The following APOLD1 variants were observed in gnomAD, a reference collection of about 807,000 sequenced individuals.
APOLD1 encodes apolipoprotein L domain containing 1, also known as apolipoprotein L domain-containing protein 1.
Under a neutral mutation model 15.3 loss-of-function variants are expected in APOLD1, and 22 were observed. That is an observed-to-expected ratio of 1.44 (90% CI 1.03 to 2.05). APOLD1 has a LOEUF of 2.05. Ranked by LOEUF, APOLD1 falls within the 30% of genes most tolerant of loss-of-function variation. The pLI, the probability that APOLD1 is intolerant of heterozygous loss-of-function variation, is 0.00. For missense variants in APOLD1, 394 were observed against 353.5 expected, an observed-to-expected ratio of 1.11 and a Z score of -0.92; for synonymous variants, 190 against 167.4, an observed-to-expected ratio of 1.13 and a Z score of -1.04.
At chr12:12,778,476 C>T (rs1228771950) in intron 1 of APOLD1, among the ~76,000 whole-genome samples, 1 of 147,750 alleles carries the variant, frequency 6.8e-6, no homozygotes, top group Non-Finnish European at 1.5e-5. Flanking sequence ...CACACCTCCT[C>T]GTGTGGCTAA....
intron 1 of APOLD1, chr12:12,771,339 C>T (rs948003584): frequency 1.2e-5 from 3 of 259,918 alleles, no homozygotes; most frequent in African/African-American, 6.9e-5. Flanking sequence ...CTGGTGGCCC[C>T]CTTATGGCCA....
At chr12:12,785,639 A>G (rs1947117528), upstream of APOLD1, 2 of 1,614,184 alleles carry the variant, frequency 1.2e-6, no homozygotes, top group Non-Finnish European at 8.5e-7. Context: ...TATAAAGCAC[A>G]CTCATCCAGA....
intron 1 of APOLD1, among the ~76,000 whole-genome samples, chr12:12,747,573 T>G (rs1946776129): frequency 6.6e-6 from 1 of 152,180 alleles, no homozygotes; most frequent in Non-Finnish European, 1.5e-5. Flanking sequence ...AGCTTGGTAT[T>G]GGGAAGCTCT....
At chr12:12,777,889 GTTTTTTTTTTTT>G (rs71436735) in intron 1 of APOLD1, among the ~76,000 whole-genome samples, 4 of 117,060 alleles carry the variant, frequency 3.4e-5, no homozygotes, top group African/African-American at 1.1e-4. Context: ...AAGGAAAGGT[GTTTTTTTTTTTT>G]TTTTTTTTTT....
At chr12:12,783,164 C>T (rs968570607), upstream of APOLD1, among the ~76,000 whole-genome samples, 1 of 152,048 alleles carries the variant, frequency 6.6e-6, no homozygotes, top group Non-Finnish European at 1.5e-5. Context: ...TGAGATCATG[C>T]CACTGTACTC....
intron 1 of APOLD1, among the ~76,000 whole-genome samples, chr12:12,743,031 C>T (rs138762539): frequency 0.013 from 1,916 of 152,310 alleles, 34 homozygotes; most frequent in African/African-American, 0.043. Context: ...GGATTACAGG[C>T]GTGAGCCACC....
At chr12:12,728,519 T>A (rs1453102215) in intron 1 of APOLD1, among the ~76,000 whole-genome samples, 2 of 150,808 alleles carry the variant, frequency 1.3e-5, no homozygotes, top group African/African-American at 4.9e-5. Context: ...CAAAAAAAAA[T>A]TTAACCAGGT....
chr12:12,751,108 A>G (rs1454769418), intron 1 of APOLD1, among the ~76,000 whole-genome samples: 1 of 151,826 alleles, frequency 6.6e-6, no homozygotes, highest in African/African-American at 2.4e-5. Context: ...TTAATGTGTT[A>G]TAGTGAACTA....
At chr12:12,771,792 G>GCA (rs1946989620) in intron 1 of APOLD1, 1 of 208,004 alleles carries the variant, frequency 4.8e-6, no homozygotes. Flanking sequence ...GTATATTTAT[G>GCA]TATAAGTGAA....
chr12:12,731,033 C>T (rs560545778), intron 1 of APOLD1, among the ~76,000 whole-genome samples: 5 of 151,732 alleles, frequency 3.3e-5, no homozygotes, highest in African/African-American at 4.8e-5. Flanking sequence ...CCCAGCTACT[C>T]GGGAGGCTGA....
rs141741706 is a variant in APOLD1 at position 12,767,885 on chromosome 12, A to G, written c.97-19024A>G. Reference sequence around the variant, plus strand: ...ACTGAAACCTCCGCCTCCTGGGTTCAAGTGATTCTTCTGCCTCAGCCTCCC... The same window carrying G: ...ACTGAAACCTCCGCCTCCTGGGTTCGAGTGATTCTTCTGCCTCAGCCTCCC... On this transcript the variant is annotated intron_variant, in intron 1 of 1. Transcript: ENST00000326765. Among the ~76,000 whole-genome samples, 300 of 152,022 alleles carry G rather than the reference A, an allele frequency of 2.0e-3. 1 individual carries two copies. Among genetic ancestry groups the G allele is most frequent in the African/African-American group, 6.7e-3 (277 of 41,474 alleles).
chr12:12,726,212 C>G (rs1946592480), intron 1 of APOLD1: 3 of 762,624 alleles, frequency 3.9e-6, no homozygotes, highest in South Asian at 1.9e-5. Flanking sequence ...GTTATTTCAA[C>G]CGCCACTCAG....
intron 1 of APOLD1, among the ~76,000 whole-genome samples, chr12:12,742,115 C>T (rs773565233): frequency 6.6e-6 from 1 of 152,126 alleles, no homozygotes; most frequent in African/African-American, 2.4e-5. Flanking sequence ...AAGAACAGAG[C>T]CCCAGCTATG....
intron 1 of APOLD1, among the ~76,000 whole-genome samples, chr12:12,729,394 C>G (rs10845619): frequency 6.6e-6 from 1 of 151,780 alleles, no homozygotes; most frequent in Non-Finnish European, 1.5e-5. Flanking sequence ...TTTCTGAGTA[C>G]GACAATAAAC....
At chr12:12,755,753 A>T (rs1236097062) in intron 1 of APOLD1, among the ~76,000 whole-genome samples, 1 of 152,228 alleles carries the variant, frequency 6.6e-6, no homozygotes, top group Non-Finnish European at 1.5e-5. Flanking sequence ...AGATGGGAGG[A>T]TCACTTGAGG....
chr12:12,783,370 G>A (rs1235163774), upstream of APOLD1, among the ~76,000 whole-genome samples: 2 of 152,050 alleles, frequency 1.3e-5, no homozygotes, highest in African/African-American at 2.4e-5. Flanking sequence ...GAGTGCAGCG[G>A]TGTGATCTCG....
chr12:12,743,379 C>T (rs1184450985), intron 1 of APOLD1, among the ~76,000 whole-genome samples: 1 of 150,752 alleles, frequency 6.6e-6, no homozygotes, highest in East Asian at 1.9e-4. Flanking sequence ...AAAAAAAAAA[C>T]AGGTGTGATT....
At position 12,791,363 on chromosome 12, in the gene APOLD1, T is replaced by TA. The variant is rs1947186251; in HGVS notation, c.*3714dup. On this transcript the variant is annotated 3_prime_UTR_variant, in exon 2 of 2. Coordinates refer to ENST00000356591, the MANE Select transcript of APOLD1 (RefSeq NM_030817.3). The stretch of plus-strand genomic sequence containing the variant: ...CTGAGATAAAGACATCGTGCAGAGA[T>TA]AAATGGGGATACAGTTAAATGTAGC... 2.0e-5 allele frequency: 3 copies of TA among 152,214 alleles called. No individual in the cohort carries two copies. Among genetic ancestry groups the TA allele is most frequent in the Non-Finnish European group, 4.4e-5 (3 of 68,046 alleles). The allele number at this position is 152,214 out of a possible 1,614,324, so 9.4% of individuals were successfully genotyped here.
In APOLD1 at chr12:12,787,005, C is replaced by G; in HGVS notation, c.100C>G (p.Gln34Glu). 1.4e-6 allele frequency: 2 copies of G among 1,411,950 alleles called. No homozygotes were observed. The highest frequency in any genetic ancestry group is 1.8e-6 in the Non-Finnish European group (2 of 1,095,174). The allele number at this position is 1,411,950 out of a possible 1,614,324, so 87.5% of individuals were successfully genotyped here. ...LLDRRGRLHG[Q>E]VLRLREVARR... ...GGACCGCCGAGGCCGGCTGCACGGC[C>G]AGGTGCTGCGCCTGCGCGAGGTGGC... Residue 34 changes from glutamine (Q) to glutamate (E), a missense_variant, in exon 2 of 2, where the codon CAG (glutamine) becomes GAG (glutamate). Gln to Glu is a conservative substitution (Grantham distance 29, BLOSUM62 2). Coordinates refer to ENST00000356591, the MANE Select transcript of APOLD1 (RefSeq NM_030817.3). The surrounding 1 kb of genome is among the most constrained non-coding windows in gnomAD (Gnocchi z 4.9).
Sources: allele counts gnomAD v4.1 joint callset (sites outside exome capture counted in the v4.1 genomes callset), GRCh38; gene constraint gnomAD v4.1.1; non-coding constraint Gnocchi (gnomAD v3.1); transcripts MANE v1.5; gene names NCBI Gene and HGNC (gene_info 2026-07-23, HGNC 2026-07-21).